The following PARD3 variants were observed in gnomAD, a reference collection of about 807,000 sequenced individuals.
The protein encoded by PARD3 is par-3 family cell polarity regulator, also known as partitioning defective 3 homolog.
In PARD3, 75 loss-of-function variants were observed where a neutral mutation model predicts 155.4. The ratio of observed to expected loss-of-function variants is 0.48; its 90% CI spans 0.40 to 0.58. The LOEUF is 0.58. Ranked by LOEUF, PARD3 falls within the 20% of genes least tolerant of loss-of-function variation. PARD3 has a pLI of 0.00. For synonymous variants in PARD3, 576 were observed against 610.5 expected (o/e 0.94, Z 0.83); for missense variants, 1,642 against 1,721.7 (o/e 0.95, Z 0.82).
chr10:34,308,422 A>T (rs1742284180), intron 20 of PARD3, among the ~76,000 whole-genome samples: 1 of 152,202 alleles, frequency 6.6e-6, no homozygotes, highest in Non-Finnish European at 1.5e-5. Flanking sequence ...GTAGGATTGC[A>T]GATGTGTACC....
intron 22 of PARD3, among the ~76,000 whole-genome samples, chr10:34,178,134 C>G (rs1399046231): frequency 6.6e-6 from 1 of 152,170 alleles, no homozygotes; most frequent in African/African-American, 2.4e-5. Context: ...GGCTGCAAAT[C>G]TCTGAAAATC....
rs72780277 is a variant in PARD3, at chr10:34,120,916, G to A, written c.3541-1176C>T. 3.5e-3 allele frequency among the ~76,000 whole-genome samples: 532 copies of A among 152,118 alleles called. 5 individuals carry two copies. Among genetic ancestry groups the A allele is most frequent in the Admixed American group, 6.8e-3 (104 of 15,276 alleles). The stretch of plus-strand genomic sequence containing the variant: ...ACAAAAAAATTTTAAAAATTAGTCA[G>A]GTGCAGTGGCACATGTCTGTGATCC... On this transcript the variant is annotated intron_variant, in intron 23 of 24. Transcript: ENST00000374788.
At position 34,384,145 on chromosome 10, in the gene PARD3, T is replaced by A; in HGVS notation, c.1000A>T (p.Asn334Tyr). The A allele has an allele frequency of 3.1e-6, 5 of 1,613,806 alleles. No individual in the cohort carries two copies. The highest frequency in any genetic ancestry group is 4.2e-6 in the Non-Finnish European group (5 of 1,179,950). The change falls in exon 8 of 25, where the codon AAT (asparagine) becomes TAT (tyrosine). Residue 334 changes from asparagine to tyrosine, a missense_variant. By Grantham distance (143) the Asn-to-Tyr change is moderately radical. Coordinates refer to ENST00000374788, the MANE Select transcript of PARD3 (RefSeq NM_001184785.2). ...CACACTTACTGTTCAAATCTTCTAT[T>A]TCGAAGGTCGCCATCATTAATCCTG... is the stretch of plus-strand genomic sequence containing the variant. Reference protein sequence around the residue: ...IVRINDGDLRNRRFEQAQHMF... With the variant: ...IVRINDGDLRYRRFEQAQHMF...
At chr10:34,431,009 GATTTCCACAAA>G (rs2075871451) in intron 5 of PARD3, among the ~76,000 whole-genome samples, 1 of 152,186 alleles carries the variant, frequency 6.6e-6, no homozygotes, top group Admixed American at 6.5e-5. Context: ...AAATGATTTG[GATTTCCACAAA>G]ATTCTACCAC....
intron 2 of PARD3, among the ~76,000 whole-genome samples, chr10:34,600,793 T>A (rs1267076003): frequency 2.0e-5 from 3 of 151,980 alleles, no homozygotes; most frequent in Non-Finnish European, 4.4e-5. Flanking sequence ...TTTGTTTTTG[T>A]TTTAATATTT....
intron 12 of PARD3, among the ~76,000 whole-genome samples, chr10:34,368,801 T>G (rs967808683): frequency 6.9e-6 from 1 of 145,528 alleles, no homozygotes. Flanking sequence ...ACTAAACGCG[T>G]GTTCTAGGAA....
At chr10:34,338,544 AT>A (rs1172437772) in intron 16 of PARD3, among the ~76,000 whole-genome samples, 1 of 152,182 alleles carries the variant, frequency 6.6e-6, no homozygotes, top group Non-Finnish European at 1.5e-5. Flanking sequence ...TGTCAGCTGA[AT>A]TTATGATAGT....
At chr10:34,226,378 C>T (rs944874978) in intron 22 of PARD3, among the ~76,000 whole-genome samples, 4 of 152,010 alleles carry the variant, frequency 2.6e-5, no homozygotes, top group African/African-American at 7.2e-5. Context: ...GGTGAAACCC[C>T]GTCTCTACTG....
intron 22 of PARD3, among the ~76,000 whole-genome samples, chr10:34,145,919 G>C: frequency 6.6e-6 from 1 of 152,116 alleles, no homozygotes; most frequent in Middle Eastern, 3.2e-3. Context: ...AGGAAGGCTG[G>C]GCAGAGTGTC....
chr10:34,442,476 T>C (rs2076515052), intron 5 of PARD3, among the ~76,000 whole-genome samples: 1 of 152,218 alleles, frequency 6.6e-6, no homozygotes, highest in Non-Finnish European at 1.5e-5. Flanking sequence ...GGAGCCCCGG[T>C]GGCTCAGGCC....
intron 22 of PARD3, among the ~76,000 whole-genome samples, chr10:34,246,593 G>A (rs970871124): frequency 1.3e-5 from 2 of 152,226 alleles, no homozygotes; most frequent in East Asian, 1.9e-4. Flanking sequence ...AAATCAGCAC[G>A]GGCCCTCTTC....
chr10:34,801,323 ACTT>A (rs2134334283), intron 1 of PARD3, among the ~76,000 whole-genome samples: 1 of 152,332 alleles, frequency 6.6e-6, no homozygotes, highest in Non-Finnish European at 1.5e-5. Context: ...AAGCTTTACT[ACTT>A]CAATCACTGC....
chr10:34,435,194 G>C (rs1174510098), intron 5 of PARD3, among the ~76,000 whole-genome samples: 1 of 150,484 alleles, frequency 6.6e-6, no homozygotes, highest in African/African-American at 2.4e-5. Flanking sequence ...CAAATAACAG[G>C]AAAAAAAAAG....
At chr10:34,539,223 T>C (rs1028104654) in intron 2 of PARD3, among the ~76,000 whole-genome samples, 7 of 152,206 alleles carry the variant, frequency 4.6e-5, no homozygotes, top group Admixed American at 2.6e-4. Flanking sequence ...TAAAGTATTG[T>C]GGTGCTCCCA....
intron 14 of PARD3, among the ~76,000 whole-genome samples, chr10:34,354,275 G>A (rs1244775557): frequency 6.6e-6 from 1 of 152,044 alleles, no homozygotes; most frequent in Non-Finnish European, 1.5e-5. Flanking sequence ...CTACTTGGGA[G>A]GCTGAGGCAG....
intron 3 of PARD3, 136 bp from the exon 4 acceptor site, chr10:34,470,399 T>A: frequency 5.1e-6 from 3 of 587,102 alleles, no homozygotes; most frequent in Non-Finnish European, 8.4e-6. Context: ...GGGTCAGTAT[T>A]CTAAACACAA....
At chr10:34,133,766 C>T (rs1328755) in intron 22 of PARD3, among the ~76,000 whole-genome samples, 35,649 of 152,066 alleles carry the variant, frequency 0.23, 5,121 homozygotes, top group Non-Finnish European at 0.31. Flanking sequence ...GTTTAAGCAT[C>T]TAAAATTGAA....
chr10:34,177,252 G>C (rs969111935), intron 22 of PARD3, among the ~76,000 whole-genome samples: 1 of 152,080 alleles, frequency 6.6e-6, no homozygotes, highest in Admixed American at 6.5e-5. Flanking sequence ...GATGTGGAAG[G>C]TAGTAGCAAA....
At chr10:34,695,661 C>T (rs1309164514) in intron 2 of PARD3, among the ~76,000 whole-genome samples, 1 of 152,002 alleles carries the variant, frequency 6.6e-6, no homozygotes, top group African/African-American at 2.4e-5. Context: ...TGGATAGGTC[C>T]AGGAGCCAAA....
Sources: gnomAD v4.1 joint callset for allele counts (sites outside exome capture counted in the v4.1 genomes callset) on GRCh38, gnomAD v4.1.1 for gene constraint, MANE v1.5 for transcripts, NCBI Gene and HGNC (gene_info 2026-07-23, HGNC 2026-07-21) for gene names.